Variants in TANC1 observed in about 807,000 individuals in gnomAD.
The protein encoded by TANC1 is tetratricopeptide repeat, ankyrin repeat and coiled-coil containing 1, also known as protein TANC1.
In TANC1, 77 loss-of-function variants were observed where a neutral mutation model predicts 149.7. The observed-to-expected ratio is 0.51, with a 90% CI of 0.43 to 0.62. TANC1 has a LOEUF of 0.62. Ranked by LOEUF, TANC1 falls within the 20% of genes least tolerant of loss-of-function variation. The pLI is 0.00. For synonymous variants in TANC1, 854 were observed against 925.0 expected (o/e 0.92, Z 1.39); for missense variants, 1,985 against 2,321.8 (o/e 0.85, Z 2.98).
intron 2 of TANC1, among the ~76,000 whole-genome samples, chr2:159,026,122 G>A (rs1223589105): frequency 6.6e-6 from 1 of 152,166 alleles, no homozygotes. Flanking sequence ...TGTAGAGATA[G>A]GGTGTTGCTG....
At chr2:159,053,364 C>G (rs1185330125) in intron 2 of TANC1, among the ~76,000 whole-genome samples, 1 of 152,080 alleles carries the variant, frequency 6.6e-6, no homozygotes, top group African/African-American at 2.4e-5. Flanking sequence ...CTTACTGCAA[C>G]CAAATGTTTA....
At chr2:159,171,753 A>T (rs1222475445) in intron 10 of TANC1, among the ~76,000 whole-genome samples, 2 of 149,804 alleles carry the variant, frequency 1.3e-5, no homozygotes, top group Non-Finnish European at 3.0e-5. Context: ...GCTACTTGGG[A>T]GGCTGAGGCA....
intron 2 of TANC1, among the ~76,000 whole-genome samples, chr2:159,020,056 G>A (rs1157382667): frequency 3.9e-5 from 6 of 152,146 alleles, no homozygotes; most frequent in African/African-American, 7.2e-5. Flanking sequence ...GTAGAACTTC[G>A]TAATTTATTG....
rs13035916 is a variant in TANC1 at position 159,132,841 on chromosome 2, G to A, written c.260-3353G>A. ...GTCTGCCCAACTCATGAGTCCCTGCGTTGAGTATCCTGGCTCCTCAGGGTT... is the reference window on the plus strand; with the variant it reads ...GTCTGCCCAACTCATGAGTCCCTGCATTGAGTATCCTGGCTCCTCAGGGTT... On this transcript the variant is annotated intron_variant, in intron 4 of 26. Coordinates refer to ENST00000263635, the MANE Select transcript of TANC1 (RefSeq NM_033394.3). Among the ~76,000 whole-genome samples, 604 of 152,028 alleles carry A rather than the reference G, an allele frequency of 4.0e-3. 5 individuals carry two copies. The highest frequency in any genetic ancestry group is 0.014 in the African/African-American group (578 of 41,448).
chr2:159,229,969 A>C lies in TANC1; in HGVS notation c.4543A>C (p.Arg1515=), dbSNP rs2060252128. 1 of 1,613,934 alleles carries C rather than the reference A, an allele frequency of 6.2e-7. No homozygotes were observed. Among genetic ancestry groups the C allele is most frequent in the African/African-American group, 1.3e-5 (1 of 74,948 alleles). Reference sequence around the variant, plus strand: ...CAGGGCAGGAATCGGCAAGTCCCTGAGAGAGCCTGTGGCCCAGCCAGGGCT... The same window carrying C: ...CAGGGCAGGAATCGGCAAGTCCCTGCGAGAGCCTGTGGCCCAGCCAGGGCT... ...QSRAGIGKSL[R]EPVAQPGLLL... The change falls in exon 27 of 27, where the codon AGA becomes CGA. Residue 1515 remains arginine (R), a synonymous_variant. Transcript: ENST00000263635.
At chr2:158,977,069 A>G (rs2033766214) in intron 1 of TANC1, among the ~76,000 whole-genome samples, 2 of 152,208 alleles carry the variant, frequency 1.3e-5, no homozygotes, top group South Asian at 4.1e-4. Flanking sequence ...AATACAATTT[A>G]TAATATGTTA....
intron 7 of TANC1, among the ~76,000 whole-genome samples, chr2:159,157,649 T>C (rs2053579149): frequency 6.6e-6 from 1 of 152,224 alleles, no homozygotes; most frequent in Non-Finnish European, 1.5e-5. Context: ...GCTACAGTAG[T>C]GGGCTTTTCC....
At chr2:159,227,674 C>T (rs1345810193) in intron 24 of TANC1, 145 bp from the exon 25 acceptor site, 2 of 848,378 alleles carry the variant, frequency 2.4e-6, no homozygotes, top group Non-Finnish European at 1.8e-6. Context: ...GAACTAGCTC[C>T]CACCTTGACA....
chr2:159,070,674 C>T (rs1294615319), intron 3 of TANC1, among the ~76,000 whole-genome samples: 3 of 152,168 alleles, frequency 2.0e-5, no homozygotes, highest in Admixed American at 6.5e-5. Context: ...ACCTGGTTCA[C>T]GTGCCTCGGA....
rs569366913 is a variant in TANC1 at position 159,206,307 on chromosome 2, G to A, written c.3244+7254G>A. 2.3e-3 allele frequency among the ~76,000 whole-genome samples: 354 copies of A among 152,270 alleles called. 1 individual carries two copies. Among genetic ancestry groups the A allele is most frequent in the African/African-American group, 8.2e-3 (339 of 41,548 alleles). On this transcript the variant is annotated intron_variant, in intron 19 of 26. Coordinates refer to ENST00000263635, the MANE Select transcript of TANC1 (RefSeq NM_033394.3). ...CCTCCAAACAGTGGAGGCAGATAGGGGATCAGAACTGAGGGGGCTGGGTTT... is the reference window on the plus strand; with the variant it reads ...CCTCCAAACAGTGGAGGCAGATAGGAGATCAGAACTGAGGGGGCTGGGTTT...
At chr2:159,125,692 C>A (rs1021428807) in intron 4 of TANC1, among the ~76,000 whole-genome samples, 1 of 151,930 alleles carries the variant, frequency 6.6e-6, no homozygotes, top group Non-Finnish European at 1.5e-5. Context: ...CGGGTTCAAG[C>A]AATTCTCCTG....
chr2:159,058,826 T>G (rs552157737), intron 2 of TANC1, among the ~76,000 whole-genome samples: 1 of 152,316 alleles, frequency 6.6e-6, no homozygotes, highest in East Asian at 1.9e-4. Flanking sequence ...TTTGTTTGTT[T>G]GTTTGTTTGT....
chr2:159,205,755 G>T (rs1387791293), intron 19 of TANC1, among the ~76,000 whole-genome samples: 1 of 152,208 alleles, frequency 6.6e-6, no homozygotes, highest in Non-Finnish European at 1.5e-5. Context: ...ATGATGTGTG[G>T]CCTTTCTCAG....
intron 2 of TANC1, among the ~76,000 whole-genome samples, chr2:159,048,726 C>T (rs543570638): frequency 1.3e-5 from 2 of 152,240 alleles, no homozygotes; most frequent in African/African-American, 4.8e-5. Flanking sequence ...TAGTTTAGAA[C>T]AGGTAAGGAT....
chr2:159,187,078 C>G, intron 16 of TANC1, 54 bp downstream of exon 16: 2 of 1,598,374 alleles, frequency 1.3e-6, no homozygotes, highest in South Asian at 2.2e-5. Context: ...CGGCTGCTGG[C>G]CGTTCCTCCA....
intron 2 of TANC1, among the ~76,000 whole-genome samples, chr2:159,058,301 G>A (rs1003791334): frequency 2.6e-5 from 4 of 152,284 alleles, no homozygotes; most frequent in African/African-American, 9.6e-5. Flanking sequence ...TGTGTTAAAT[G>A]TGCACTTCTT....
At chr2:158,969,029 C>T (rs1407928084) in intron 1 of TANC1, among the ~76,000 whole-genome samples, 1 of 152,192 alleles carries the variant, frequency 6.6e-6, no homozygotes, top group African/African-American at 2.4e-5. Flanking sequence ...GAGTCCGCAC[C>T]TTCCTTGCGC....
chr2:159,156,848 G>A (rs191274195), intron 7 of TANC1, among the ~76,000 whole-genome samples: 10 of 152,014 alleles, frequency 6.6e-5, no homozygotes, highest in Non-Finnish European at 1.3e-4. Flanking sequence ...TCTCAGTTGG[G>A]CAGTGTGGTG....
At chr2:159,099,681 T>G (rs2046481481) in intron 4 of TANC1, among the ~76,000 whole-genome samples, 2 of 129,560 alleles carry the variant, frequency 1.5e-5, no homozygotes, top group South Asian at 5.6e-4. Flanking sequence ...CACCCAAATC[T>G]GATTAGATTC....
Sources: gnomAD v4.1 joint callset for allele counts (sites outside exome capture counted in the v4.1 genomes callset) on GRCh38, gnomAD v4.1.1 for gene constraint, MANE v1.5 for transcripts, NCBI Gene and HGNC (gene_info 2026-07-23, HGNC 2026-07-21) for gene names.